The following CES1 variants were observed in gnomAD, a reference collection of about 807,000 sequenced individuals.
CES1 encodes carboxylesterase 1, also known as liver carboxylesterase 1.
Under a neutral mutation model 53.0 loss-of-function variants are expected in CES1, and 50 were observed. The ratio of observed to expected loss-of-function variants is 0.94; its 90% CI spans 0.75 to 1.19. CES1 has a LOEUF of 1.19. Among genes scored for constraint, CES1 ranks in the 50% most tolerant of loss-of-function variants. CES1 has a pLI of 0.00. For missense variants in CES1, 534 were observed against 538.0 expected (o/e 0.99, Z 0.07); for synonymous variants, 202 against 210.1 (o/e 0.96, Z 0.33).
At chr16:55,830,503 G>T (rs1194598766) in intron 1 of CES1, among the ~76,000 whole-genome samples, 1 of 152,014 alleles carries the variant, frequency 6.6e-6, no homozygotes, top group Non-Finnish European at 1.5e-5. Flanking sequence ...ATGTCTAAAA[G>T]GTATTTTGAA....
Position 55,811,017 on chromosome 16 carries a change from A to AAC in CES1, c.1087-8_1087-7insGT. ...GTGGATAGCTCATCAACTGCTAAAAAAAAAAAAAAGTTCAGCATTTATGAA... is the reference window on the plus strand; with the variant it reads ...GTGGATAGCTCATCAACTGCTAAAAAACAAAAAAAAAGTTCAGCATTTATGAA... On this transcript the variant is annotated splice_polypyrimidine_tract_variant and splice_region_variant and intron_variant, in intron 9 of 13. Coordinates refer to ENST00000360526, the MANE Select transcript of CES1 (RefSeq NM_001025195.2). 1 of 1,576,612 alleles carries AAC rather than the reference A, an allele frequency of 6.3e-7. No homozygotes were observed. Among genetic ancestry groups the AAC allele is most frequent in the Non-Finnish European group, 8.7e-7 (1 of 1,150,574 alleles).
chr16:55,813,549 CACACAA>C (rs1320732762), intron 8 of CES1, among the ~76,000 whole-genome samples: 1 of 152,164 alleles, frequency 6.6e-6, no homozygotes, highest in Non-Finnish European at 1.5e-5. Context: ...GGCTCCATCC[CACACAA>C]TAGGTGTTAC....
At chr16:55,822,827 A>C (rs540664654) in intron 4 of CES1, among the ~76,000 whole-genome samples, 7 of 152,068 alleles carry the variant, frequency 4.6e-5, no homozygotes, top group African/African-American at 1.7e-4. Flanking sequence ...TTGGGTGGAG[A>C]GCAGGGGGAG....
rs765214388 is a variant in CES1, at chr16:55,821,568, C to T, written c.540-47G>A. ...GAGGGTGGGGAGCAGAGATGTCATG[C>T]AGGACCTTCAGGACCACAGATGGGG... On this transcript the variant is annotated intron_variant, in intron 4 of 13. Transcript: ENST00000360526. 8.7e-6 allele frequency: 14 copies of T among 1,600,288 alleles called. No homozygotes were observed. The African/African-American group carries it at 1.7e-4, about 20-fold the overall frequency.
intron 1 of CES1, 100 bp downstream of exon 1, chr16:55,832,904 G>A (rs1302437301): frequency 1.3e-5 from 14 of 1,100,226 alleles, no homozygotes; most frequent in African/African-American, 1.2e-4. Context: ...CCGCAGAGCC[G>A]GACCTGTTGT....
At position 55,819,624 on chromosome 16, in the gene CES1, C is replaced by T; in HGVS notation, c.817G>A (p.Ala273Thr). ...GCAGAGGTGGTGGTTTTGCACCCAG[C>T]AGTGATAGCAATTTGCTGCAAAGAT... ...KPLAEQIAIT[A>T]GCKTTTSAVM... The change falls in exon 7 of 14, where the codon GCT becomes ACT. Residue 273 changes from alanine to threonine, a missense_variant. Physicochemically the swap from Ala to Thr is moderately conservative, Grantham distance 58 (BLOSUM62 0). Coordinates refer to ENST00000360526, the MANE Select transcript of CES1 (RefSeq NM_001025195.2). 6.2e-7 allele frequency: 1 copy of T among 1,613,822 alleles called. No individual in the cohort carries two copies. Among genetic ancestry groups the T allele is most frequent in the Non-Finnish European group, 8.5e-7 (1 of 1,179,766 alleles).
chr16:55,826,229 A>C lies in CES1; in HGVS notation c.327T>G (p.Ile109Met), dbSNP rs781588211. Reference sequence around the variant, plus strand: ...GACAGTCTTCAGAAAGCTTGAGAGGAATGTTCTCCTTTCGGTTTGTAAATA... The same window carrying C: ...GACAGTCTTCAGAAAGCTTGAGAGGCATGTTCTCCTTTCGGTTTGTAAATA... ...SELFTNRKEN[I>M]PLKLSEDCLY... is the part of the protein sequence containing the mutation. Residue 109 changes from isoleucine to methionine, a missense_variant, in exon 3 of 14, where the codon ATT (isoleucine) becomes ATG (methionine). Physicochemically the swap from Ile to Met is conservative, Grantham distance 10. Transcript: ENST00000360526. 66 of 1,613,802 alleles carry C rather than the reference A, an allele frequency of 4.1e-5. No individual in the cohort carries two copies. In the Middle Eastern group the frequency reaches 4.9e-4, roughly 12 times the overall value.
In CES1 at chr16:55,826,259, T is replaced by C. The variant is rs780019190; in HGVS notation, c.297A>G (p.Ser99=). The change falls in exon 3 of 14, where the codon TCA becomes TCG. Residue 99 remains serine (S), a synonymous_variant. Coordinates refer to ENST00000360526, the MANE Select transcript of CES1 (RefSeq NM_001025195.2). ...TCTCCTTTCGGTTTGTAAATAGCTC[T>C]GAGAGTAACTGCCCCGCCTTGGGAT... ...TQDPKAGQLL[S]ELFTNRKENI... 1 of 1,613,872 alleles carries C rather than the reference T, an allele frequency of 6.2e-7. No individual in the cohort carries two copies. The highest frequency in any genetic ancestry group is 1.3e-5 in the African/African-American group (1 of 74,916).
chr16:55,808,799 G>A (rs1242552077), intron 11 of CES1, among the ~76,000 whole-genome samples: 1 of 152,044 alleles, frequency 6.6e-6, no homozygotes, highest in Non-Finnish European at 1.5e-5. Context: ...TGATGAGTTT[G>A]TATCAACATT....
intron 7 of CES1, among the ~76,000 whole-genome samples, chr16:55,818,026 G>A (rs542441250): frequency 6.6e-6 from 1 of 152,286 alleles, no homozygotes; most frequent in African/African-American, 2.4e-5. Flanking sequence ...TAGAGCCTGA[G>A]CCAAGACCTA....
intron 1 of CES1, among the ~76,000 whole-genome samples, chr16:55,831,118 T>C (rs1166026040): frequency 6.6e-6 from 1 of 152,000 alleles, no homozygotes; most frequent in African/African-American, 2.4e-5. Context: ...GGTGGATGTG[T>C]ATGGCTTCAT....
At chr16:55,832,913 G>T in intron 1 of CES1, 91 bp downstream of exon 1, 1 of 1,154,838 alleles carries the variant, frequency 8.7e-7, no homozygotes, top group Non-Finnish European at 1.3e-6. Flanking sequence ...CGGACCTGTT[G>T]TGTCTTTGCC....
chr16:55,821,253 T>G, intron 5 of CES1, 115 bp downstream of exon 5: 1 of 1,372,906 alleles, frequency 7.3e-7, no homozygotes, highest in Non-Finnish European at 1.0e-6. Flanking sequence ...GTAGGGCCAG[T>G]CCTGAATTCA....
Position 55,821,476 on chromosome 16 carries a change from C to A in CES1, c.585G>T (p.Gln195His). ...HSRGNWGHLD[Q>H]VAALRWVQDN... is the part of the protein sequence containing the mutation. ...CCTGGACCCAGCGCAGGGCAGCCAC[C>A]TGGTCCAGGTGACCCCAGTTCCCCC... Residue 195 changes from glutamine (Q) to histidine (H), a missense_variant, in exon 5 of 14, where the codon CAG (glutamine) becomes CAT (histidine). Physicochemically the swap from Gln to His is conservative, Grantham distance 24 (BLOSUM62 0). This residue lies in a region of CES1 where 85 missense variants were observed against 81.9 expected (regional missense o/e 1.04). Coordinates refer to ENST00000360526, the MANE Select transcript of CES1 (RefSeq NM_001025195.2). 6.2e-7 allele frequency: 1 copy of A among 1,614,226 alleles called. No individual in the cohort carries two copies. The highest frequency in any genetic ancestry group is 8.5e-7 in the Non-Finnish European group (1 of 1,180,048).
At chr16:55,820,285 A>T in intron 6 of CES1, 87 bp downstream of exon 6, 1 of 860,516 alleles carries the variant, frequency 1.2e-6, no homozygotes, top group Non-Finnish European at 1.9e-6. Context: ...GCTACAACCG[A>T]CCACAAGAGA....
chr16:55,822,746 A>G (rs2032250812), intron 4 of CES1, among the ~76,000 whole-genome samples: 1 of 152,008 alleles, frequency 6.6e-6, no homozygotes, highest in Non-Finnish European at 1.5e-5. Context: ...GAGGACCAGG[A>G]AAGGGGCTGG....
intron 11 of CES1, among the ~76,000 whole-genome samples, chr16:55,810,266 T>TC (rs1191239561): frequency 6.6e-6 from 1 of 151,576 alleles, no homozygotes; most frequent in African/African-American, 2.4e-5. Context: ...CTCTCTCACT[T>TC]CCCCACCTCC....
chr16:55,810,961 GC>G lies in CES1; in HGVS notation c.1135del (p.Ala379ProfsTer18), dbSNP rs1567492115. 2 of 1,613,682 alleles carry G rather than the reference GC, an allele frequency of 1.2e-6. No individual in the cohort carries two copies. The highest frequency in any genetic ancestry group is 1.7e-6 in the Non-Finnish European group (2 of 1,179,872). On this transcript the variant is annotated frameshift_variant, in exon 10 of 14. Transcript: ENST00000360526. LOFTEE classifies it high-confidence loss of function. ...LSEGQLDQKT[A>X]MSLLWKSYPL... is the part of the protein sequence containing the mutation. ...ATAGGACTTCCACAGGAGTGACATGGCTGTCTTCTGGTCCAGTTGCCCTTCG... is the reference window on the plus strand; with the variant it reads ...ATAGGACTTCCACAGGAGTGACATGGTGTCTTCTGGTCCAGTTGCCCTTCG...
chr16:55,810,699 G>A, intron 10 of CES1, 35 bp from the exon 11 acceptor site: 1 of 1,613,042 alleles, frequency 6.2e-7, no homozygotes, highest in Non-Finnish European at 8.5e-7. Context: ...CCAGCCCCGG[G>A]TGAGCGATGC....
Sources: gnomAD v4.1 joint callset for allele counts (sites outside exome capture counted in the v4.1 genomes callset) on GRCh38, gnomAD v4.1.1 for gene constraint, gnomAD v4.1.1 regional missense constraint, MANE v1.5 for transcripts, NCBI Gene and HGNC (gene_info 2026-07-23, HGNC 2026-07-21) for gene names.